TRIM54: variants seen among roughly 807,000 people sequenced by gnomAD.
TRIM54 encodes the protein tripartite motif-containing protein 54.
A neutral mutation model predicts 42.0 loss-of-function variants in TRIM54; 40 were observed. That is an observed-to-expected ratio of 0.95 (90% CI 0.74 to 1.24). TRIM54 has a LOEUF of 1.24. Ranked by LOEUF, TRIM54 falls within the 50% of genes most tolerant of loss-of-function variation. The pLI is 0.00. For synonymous variants in TRIM54, 199 were observed against 194.9 expected, an observed-to-expected ratio of 1.02 and a Z score of -0.17; for missense variants, 485 against 480.3, an observed-to-expected ratio of 1.01 and a Z score of -0.09.
At chr2:27,297,639 A>G (rs1217621571) in intron 1 of TRIM54, among the ~76,000 whole-genome samples, 1 of 152,204 alleles carries the variant, frequency 6.6e-6, no homozygotes, top group Non-Finnish European at 1.5e-5. Flanking sequence ...CTATAAATGA[A>G]TAATTTTATC....
chr2:27,307,329 G>C lies in TRIM54; in HGVS notation c.*444G>C. ...ACAGCATTTTGTTCCCCTCCCGCTG[G>C]CCCGGGGGCCCCACCTTCCCACGGG... On this transcript the variant is annotated 3_prime_UTR_variant, in exon 9 of 9. Coordinates refer to ENST00000380075, the MANE Select transcript of TRIM54 (RefSeq NM_187841.3). The surrounding 1 kb of genome is among the most constrained non-coding windows in gnomAD (Gnocchi z 6.9). 1.0e-6 allele frequency: 1 copy of C among 954,208 alleles called. No homozygotes were observed. The highest frequency in any genetic ancestry group is 1.5e-6 in the Non-Finnish European group (1 of 665,592). 59.1% of individuals were successfully genotyped at this position (954,208 alleles called of 1,614,324 possible).
intron 1 of TRIM54, among the ~76,000 whole-genome samples, chr2:27,290,958 AAGTC>A (rs1191201716): frequency 4.6e-5 from 7 of 152,224 alleles, no homozygotes; most frequent in Admixed American, 4.6e-4. Flanking sequence ...TTGGTAGAGA[AAGTC>A]AGGAAATGGT....
chr2:27,303,321 C>T (rs891652653), intron 3 of TRIM54, among the ~76,000 whole-genome samples: 1 of 151,950 alleles, frequency 6.6e-6, no homozygotes, highest in Non-Finnish European at 1.5e-5. Flanking sequence ...TTTGGGAGGC[C>T]GAGGCGGGCG....
chr2:27,306,783 T>C lies in TRIM54; in HGVS notation c.*2-104T>C, dbSNP rs1679231093. On this transcript the variant is annotated intron_variant, in intron 8 of 8. Transcript: ENST00000380075. The surrounding 1 kb of genome is among the most constrained non-coding windows in gnomAD (Gnocchi z 6.1). ...TGCTGGGAGGGCAGGCAAGGCAGGC[T>C]GAGTAGAGGAGAAACCCACGTGGCG... The C allele has an allele frequency of 3.5e-6, 2 of 571,008 alleles. No individual in the cohort carries two copies. The highest frequency in any genetic ancestry group is 1.9e-5 in the African/African-American group (1 of 53,114). The allele number at this position is 571,008 out of a possible 1,614,324, so 35.4% of individuals were successfully genotyped here. A position where few individuals can be genotyped will look rare whatever the true frequency, so the allele number is the denominator to read the frequency against.
At chr2:27,288,007 C>G (rs554447007) in intron 1 of TRIM54, among the ~76,000 whole-genome samples, 1 of 152,356 alleles carries the variant, frequency 6.6e-6, no homozygotes, top group African/African-American at 2.4e-5. Context: ...TTACCAGCCC[C>G]TTGGGCCAAG....
intron 2 of TRIM54, 124 bp from the exon 3 acceptor site, chr2:27,299,121 A>T: frequency 1.8e-6 from 2 of 1,101,300 alleles, no homozygotes; most frequent in Non-Finnish European, 2.6e-6. Context: ...AGTACTCACC[A>T]GTTCAGCCAC....
intron 3 of TRIM54, 53 bp from the exon 4 acceptor site, chr2:27,304,906 G>T: frequency 1.3e-6 from 2 of 1,548,064 alleles, no homozygotes; most frequent in South Asian, 2.3e-5. Flanking sequence ...GGGGTGAGGG[G>T]TGTAGCTCTA....
intron 1 of TRIM54, among the ~76,000 whole-genome samples, chr2:27,291,425 A>G (rs1678716231): frequency 6.6e-6 from 1 of 151,920 alleles, no homozygotes; most frequent in African/African-American, 2.4e-5. Context: ...ATTCTATACA[A>G]TGTAATCCAT....
chr2:27,290,646 AAAAT>A (rs879377948), intron 1 of TRIM54, among the ~76,000 whole-genome samples: 15 of 152,282 alleles, frequency 9.9e-5, no homozygotes, highest in African/African-American at 2.4e-4. Flanking sequence ...ACTCCATCTA[AAAAT>A]AAATAAATAA....
chr2:27,283,780 G>GCACACACACA (rs1311012339), intron 1 of TRIM54, among the ~76,000 whole-genome samples: 2 of 76,516 alleles, frequency 2.6e-5, no homozygotes, highest in African/African-American at 1.7e-4. Flanking sequence ...ACACACACAC[G>GCACACACACA]CGCGCACACA....
rs556505876 is a variant in TRIM54, at chr2:27,286,492, C to T, written c.168+3593C>T. On this transcript the variant is annotated intron_variant, in intron 1 of 8. Coordinates refer to ENST00000380075, the MANE Select transcript of TRIM54 (RefSeq NM_187841.3). ...ACCAAGAACTTCCACTAAAGGAAAG[C>T]TGTTGGTGTGGGAATTTGACACAAA... Among the ~76,000 whole-genome samples, 3 of 152,300 alleles carry T rather than the reference C, an allele frequency of 2.0e-5. No homozygotes were observed. The South Asian group carries it at 6.2e-4, about 32-fold the overall frequency.
chr2:27,303,954 G>A (rs1055644246), intron 3 of TRIM54, among the ~76,000 whole-genome samples: 22 of 152,090 alleles, frequency 1.4e-4, no homozygotes, highest in African/African-American at 4.3e-4. Context: ...GGCTCACGCC[G>A]GTAATCCCGA....
At chr2:27,290,327 T>C (rs1209598021) in intron 1 of TRIM54, among the ~76,000 whole-genome samples, 1 of 152,146 alleles carries the variant, frequency 6.6e-6, no homozygotes, top group African/African-American at 2.4e-5. Flanking sequence ...AACTAACACA[T>C]TAAAGAATGA....
intron 3 of TRIM54, among the ~76,000 whole-genome samples, chr2:27,302,886 C>T (rs1472235355): frequency 6.6e-6 from 1 of 152,130 alleles, no homozygotes; most frequent in East Asian, 1.9e-4. Flanking sequence ...ACCTTTGTGG[C>T]CCTCACTTTC....
chr2:27,294,596 A>G (rs1678813005), intron 1 of TRIM54, among the ~76,000 whole-genome samples: 1 of 152,058 alleles, frequency 6.6e-6, no homozygotes, highest in Admixed American at 6.6e-5. Context: ...GGCTAAGACT[A>G]TTACCTACTT....
intron 3 of TRIM54, 88 bp from the exon 4 acceptor site, chr2:27,304,871 A>G (rs1679143808): frequency 8.5e-7 from 1 of 1,181,604 alleles, no homozygotes; most frequent in South Asian, 1.4e-5. Flanking sequence ...TGGAAGGGCC[A>G]GCCCTCTCCT....
chr2:27,305,810 A>T lies in TRIM54; in HGVS notation c.836A>T (p.Tyr279Phe). The T allele has an allele frequency of 1.3e-6, 2 of 1,599,306 alleles. No homozygotes were observed. Among genetic ancestry groups the T allele is most frequent in the Non-Finnish European group, 1.7e-6 (2 of 1,172,966 alleles). Residue 279 changes from tyrosine (Y) to phenylalanine (F), a missense_variant, in exon 5 of 9, where the codon TAT (tyrosine) becomes TTT (phenylalanine). Tyr to Phe is a conservative substitution (Grantham distance 22). Coordinates refer to ENST00000380075, the MANE Select transcript of TRIM54 (RefSeq NM_187841.3). ...ATGGAAGAGCCACAAATGGCGCTGT[A>T]TCTCCAGGTGGGCTCTAGGGGAGGG... ...QSMEEPQMAL[Y>F]LQQAKELINK... is the part of the protein sequence containing the mutation.
rs1330074571 is a variant in TRIM54, at chr2:27,283,768, A to ACACGCACGCGCGCGCGCGCG, written c.168+872_168+873insGCACGCGCGCGCGCGCGCAC. Among the ~76,000 whole-genome samples the ACACGCACGCGCGCGCGCGCG allele has an allele frequency of 4.9e-3, 462 of 93,884 alleles. 5 individuals carry two copies. The highest frequency in any genetic ancestry group is 6.2e-3 in the Non-Finnish European group (311 of 49,910). 61.6% of individuals were successfully genotyped at this position (93,884 alleles called of 152,430 possible). A position where few individuals can be genotyped will look rare whatever the true frequency, so the allele number is the denominator to read the frequency against. On this transcript the variant is annotated intron_variant, in intron 1 of 8. Coordinates refer to ENST00000380075, the MANE Select transcript of TRIM54 (RefSeq NM_187841.3). Reference sequence around the variant, plus strand: ...CAGGGAGAGTGAGGGGCAAAGGCACACACACACACACGCGCGCACACACAC... The same window carrying ACACGCACGCGCGCGCGCGCG: ...CAGGGAGAGTGAGGGGCAAAGGCACACACGCACGCGCGCGCGCGCGCACACACACACGCGCGCACACACAC...
chr2:27,290,409 T>C (rs1212662460), intron 1 of TRIM54, among the ~76,000 whole-genome samples: 1 of 152,190 alleles, frequency 6.6e-6, no homozygotes, highest in African/African-American at 2.4e-5. Context: ...GGCTCATGCC[T>C]GTAATCCCAG....
Sources: allele counts gnomAD v4.1 joint callset (sites outside exome capture counted in the v4.1 genomes callset), GRCh38; gene constraint gnomAD v4.1.1; non-coding constraint Gnocchi (gnomAD v3.1); transcripts MANE v1.5; gene names NCBI Gene and HGNC (gene_info 2026-07-23, HGNC 2026-07-21).